ZNRF1: variants seen among roughly 807,000 people sequenced by gnomAD.
ZNRF1 encodes E3 ubiquitin-protein ligase ZNRF1.
Under a neutral mutation model 18.4 loss-of-function variants are expected in ZNRF1, and 3 were observed. The ratio of observed to expected loss-of-function variants is 0.16; its 90% CI spans 0.07 to 0.42. The LOEUF (loss-of-function observed/expected upper bound fraction) is 0.42. Ranked by LOEUF, ZNRF1 falls within the 10% of genes least tolerant of loss-of-function variation. The pLI is 0.99. For missense variants in ZNRF1, 310 were observed against 329.8 expected, an observed-to-expected ratio of 0.94 and a Z score of 0.47; for synonymous variants, 157 against 144.2, an observed-to-expected ratio of 1.09 and a Z score of -0.64.
At chr16:75,047,315 G>T (rs1255407847) in intron 1 of ZNRF1, among the ~76,000 whole-genome samples, 1 of 152,162 alleles carries the variant, frequency 6.6e-6, no homozygotes, top group African/African-American at 2.4e-5. Context: ...TAGGACTACA[G>T]GTGCATGCCA....
chr16:75,104,411 A>G (rs1269095252), intron 2 of ZNRF1: 4 of 172,402 alleles, frequency 2.3e-5, no homozygotes, highest in Non-Finnish European at 5.0e-5. Flanking sequence ...TTTCCAAACC[A>G]GACATCAGCA....
chr16:75,081,029 C>T (rs955653987), intron 1 of ZNRF1, among the ~76,000 whole-genome samples: 1 of 151,976 alleles, frequency 6.6e-6, no homozygotes, highest in Admixed American at 6.5e-5. Flanking sequence ...AAAAATTAGC[C>T]GGGCGTGGTG....
chr16:75,052,596 G>A (rs1386130177), intron 1 of ZNRF1, among the ~76,000 whole-genome samples: 1 of 152,098 alleles, frequency 6.6e-6, no homozygotes, highest in Non-Finnish European at 1.5e-5. Flanking sequence ...TGTTTAAGGT[G>A]AGACCATGTC....
chr16:75,071,708 G>A (rs189325358), intron 1 of ZNRF1, among the ~76,000 whole-genome samples: 58 of 152,262 alleles, frequency 3.8e-4, no homozygotes, highest in South Asian at 4.2e-4. Flanking sequence ...CATGTGGGAC[G>A]GAAATAGTCC....
chr16:75,049,617 C>T (rs144328025), intron 1 of ZNRF1, among the ~76,000 whole-genome samples: 14 of 152,250 alleles, frequency 9.2e-5, no homozygotes, highest in South Asian at 4.1e-4. Context: ...GGCAATATGG[C>T]GAAACTCCGT....
In ZNRF1 at chr16:75,068,812, G is replaced by A. The variant is rs114057433; in HGVS notation, c.425-24760G>A. 7.9e-3 allele frequency among the ~76,000 whole-genome samples: 1,200 copies of A among 151,740 alleles called. 24 individuals carry two copies. The highest frequency in any genetic ancestry group is 0.027 in the African/African-American group (1,122 of 41,388). The stretch of plus-strand genomic sequence containing the variant: ...CCATGCTTAAAATTTGGCCCTGGTA[G>A]CCAAGGCCCGAGAACACACTTCCCT... On this transcript the variant is annotated intron_variant, in intron 1 of 4. Coordinates refer to ENST00000335325, the MANE Select transcript of ZNRF1 (RefSeq NM_032268.5).
intron 1 of ZNRF1, among the ~76,000 whole-genome samples, chr16:75,086,952 C>T (rs1051198486): frequency 6.6e-6 from 1 of 151,702 alleles, no homozygotes; most frequent in African/African-American, 2.4e-5. Flanking sequence ...GGGAGGGGGG[C>T]AGAAGGGAGG....
chr16:75,081,036 G>A (rs1420869690), intron 1 of ZNRF1, among the ~76,000 whole-genome samples: 1 of 152,132 alleles, frequency 6.6e-6, no homozygotes, highest in African/African-American at 2.4e-5. Flanking sequence ...AGCCGGGCGT[G>A]GTGGTGCGCG....
At chr16:75,021,368 T>G (rs989734756) in intron 1 of ZNRF1, among the ~76,000 whole-genome samples, 1 of 152,164 alleles carries the variant, frequency 6.6e-6, no homozygotes, top group African/African-American at 2.4e-5. Context: ...CTGGAATTAG[T>G]TGTTGCTATT....
chr16:75,090,380 G>T (rs7186372), intron 1 of ZNRF1, among the ~76,000 whole-genome samples: 131,740 of 152,098 alleles, frequency 0.87, 57,655 homozygotes, highest in Non-Finnish European at 0.93. Flanking sequence ...TTGTTGTTCT[G>T]GTTGTTGTGT....
chr16:75,037,550 G>A (rs967771855), intron 1 of ZNRF1, among the ~76,000 whole-genome samples: 1 of 151,978 alleles, frequency 6.6e-6, no homozygotes, highest in Non-Finnish European at 1.5e-5. Context: ...TGTTGACCAC[G>A]CTGGTCTGGA....
At chr16:75,078,613 G>A (rs2035972589) in intron 1 of ZNRF1, among the ~76,000 whole-genome samples, 2 of 152,130 alleles carry the variant, frequency 1.3e-5, no homozygotes, top group South Asian at 2.1e-4. Context: ...ATTTCAATAA[G>A]TGGTATTTGT....
chr16:75,020,533 T>G (rs1332809299), intron 1 of ZNRF1, among the ~76,000 whole-genome samples: 2 of 144,232 alleles, frequency 1.4e-5, no homozygotes, highest in African/African-American at 2.9e-5. Context: ...TTTCAGTCTT[T>G]TCTTTTCTTT....
At chr16:75,059,229 C>CTTTTTTT (rs35291578) in intron 1 of ZNRF1, among the ~76,000 whole-genome samples, 430 of 92,868 alleles carry the variant, frequency 4.6e-3, no homozygotes, top group Middle Eastern at 0.015. Context: ...TTCTTTCTTT[C>CTTTTTTT]TTTTTTTTTT....
At chr16:75,087,252 A>G (rs2036084843) in intron 1 of ZNRF1, among the ~76,000 whole-genome samples, 3 of 152,188 alleles carry the variant, frequency 2.0e-5, no homozygotes, top group Non-Finnish European at 2.9e-5. Flanking sequence ...TGACCACATC[A>G]GCATTCCTGG....
intron 1 of ZNRF1, among the ~76,000 whole-genome samples, chr16:75,063,817 G>T (rs1034357825): frequency 1.3e-5 from 2 of 152,174 alleles, no homozygotes; most frequent in Non-Finnish European, 2.9e-5. Context: ...TGCAGTCGCT[G>T]CCTTTGTTCA....
At chr16:75,082,285 C>T (rs990095201) in intron 1 of ZNRF1, among the ~76,000 whole-genome samples, 1 of 152,200 alleles carries the variant, frequency 6.6e-6, no homozygotes. Context: ...TTGAGGGCCT[C>T]TCTTTGGAAG....
intron 1 of ZNRF1, among the ~76,000 whole-genome samples, chr16:75,049,887 A>G (rs965619047): frequency 7.3e-6 from 1 of 136,272 alleles, no homozygotes; most frequent in South Asian, 2.4e-4. Context: ...GTGCAGTTTC[A>G]TCATACATAT....
intron 1 of ZNRF1, among the ~76,000 whole-genome samples, chr16:75,048,162 G>C (rs1036152594): frequency 2.0e-5 from 3 of 152,030 alleles, no homozygotes; most frequent in Admixed American, 6.6e-5. Context: ...TGTTGCCCAG[G>C]CTCATCTCAA....
Sources: gnomAD v4.1 joint callset for allele counts (sites outside exome capture counted in the v4.1 genomes callset) on GRCh38, gnomAD v4.1.1 for gene constraint, MANE v1.5 for transcripts, NCBI Gene and HGNC (gene_info 2026-07-23, HGNC 2026-07-21) for gene names.